NTM: variants seen among roughly 807,000 people sequenced by gnomAD.
NTM encodes neurotrimin.
Under a neutral mutation model 42.1 loss-of-function variants are expected in NTM, and 13 were observed. That is an observed-to-expected ratio of 0.31 (90% confidence interval 0.20 to 0.49). NTM has a LOEUF of 0.49. Ranked by LOEUF, NTM falls within the 20% of genes least tolerant of loss-of-function variation. The pLI is 0.99. For missense variants in NTM, 373 were observed against 452.8 expected (o/e 0.82, Z 1.60); for synonymous variants, 187 against 179.2 (o/e 1.04, Z -0.35).
At chr11:131,777,128 T>TTA (rs2087143270) in intron 1 of NTM, 1 of 856,490 alleles carries the variant, frequency 1.2e-6, no homozygotes, top group Non-Finnish European at 1.4e-6. Context: ...CTCAGTGTAT[T>TTA]TATATATATT....
intron 4 of NTM, among the ~76,000 whole-genome samples, chr11:132,301,137 G>A (rs1324152769): frequency 6.6e-6 from 1 of 152,184 alleles, no homozygotes; most frequent in East Asian, 1.9e-4. Flanking sequence ...GGGCTGGGGA[G>A]GCCTCAGGAA....
At chr11:132,257,020 C>T (rs1209554248) in intron 4 of NTM, among the ~76,000 whole-genome samples, 1 of 152,214 alleles carries the variant, frequency 6.6e-6, no homozygotes, top group African/African-American at 2.4e-5. Context: ...GGCCCTGCCT[C>T]CCCAGGTCTG....
chr11:131,544,405 A>G (rs926164392), intron 1 of NTM, among the ~76,000 whole-genome samples: 5 of 152,042 alleles, frequency 3.3e-5, no homozygotes, highest in African/African-American at 9.7e-5. Flanking sequence ...TCTCCAGCTC[A>G]TATTTCTATT....
intron 1 of NTM, among the ~76,000 whole-genome samples, chr11:131,698,363 C>T (rs1453580008): frequency 6.6e-6 from 1 of 152,136 alleles, no homozygotes; most frequent in Non-Finnish European, 1.5e-5. Flanking sequence ...TTCCCTTGTT[C>T]TCTTGCAATC....
At chr11:132,260,751 G>C (rs115204357) in intron 4 of NTM, among the ~76,000 whole-genome samples, 1 of 152,176 alleles carries the variant, frequency 6.6e-6, no homozygotes, top group African/African-American at 2.4e-5. Flanking sequence ...GAAAGCCTTC[G>C]TCTCCGGGGC....
intron 2 of NTM, among the ~76,000 whole-genome samples, chr11:131,965,946 G>T (rs1205855395): frequency 5.8e-5 from 6 of 103,684 alleles, no homozygotes; most frequent in Non-Finnish European, 9.2e-5. Context: ...AAGGGGGAAG[G>T]AAAGGAGGGA....
intron 1 of NTM, among the ~76,000 whole-genome samples, chr11:131,772,160 G>A (rs1316972337): frequency 2.0e-5 from 3 of 152,142 alleles, no homozygotes; most frequent in Non-Finnish European, 2.9e-5. Context: ...CAGGGAGCTT[G>A]TGATCTGAAG....
chr11:131,847,903 TGAC>T (rs1489605122), intron 1 of NTM, among the ~76,000 whole-genome samples: 1 of 152,184 alleles, frequency 6.6e-6, no homozygotes, highest in African/African-American at 2.4e-5. Context: ...TCCATCCAGT[TGAC>T]GAGATTTAAA....
chr11:131,977,316 C>G (rs538557927), intron 2 of NTM, among the ~76,000 whole-genome samples: 1 of 152,194 alleles, frequency 6.6e-6, no homozygotes, highest in Non-Finnish European at 1.5e-5. Context: ...GTTGTACTGC[C>G]AAATTTCCCA....
intron 3 of NTM, among the ~76,000 whole-genome samples, chr11:132,167,105 T>G (rs1488050158): frequency 6.6e-6 from 1 of 152,246 alleles, no homozygotes; most frequent in East Asian, 1.9e-4. Context: ...TCTTATTCAT[T>G]CATTCAATAA....
chr11:131,408,506 G>A (rs970358269), intron 1 of NTM, among the ~76,000 whole-genome samples: 3 of 152,152 alleles, frequency 2.0e-5, no homozygotes, highest in Non-Finnish European at 2.9e-5. Context: ...TTTTAATCTT[G>A]TGCCTCTCTA....
rs1391522529 is a variant in NTM, at chr11:132,146,363, C to T, written c.249C>T (p.Cys83=). 1 of 1,614,194 alleles carries T rather than the reference C, an allele frequency of 6.2e-7. No homozygotes were observed. The highest frequency in any genetic ancestry group is 8.5e-7 in the Non-Finnish European group (1 of 1,180,038). ...TILYAGNDKW[C]LDPRVVLLSN... The stretch of plus-strand genomic sequence containing the variant: ...TCTATGCTGGGAATGACAAGTGGTG[C>T]CTGGATCCTCGCGTGGTCCTTCTGA... The change falls in exon 3 of 9, where the codon TGC becomes TGT. Residue 83 remains cysteine, a synonymous_variant. Transcript: ENST00000683400. The surrounding 1 kb of genome is among the most constrained non-coding windows in gnomAD (Gnocchi z 4.5).
intron 1 of NTM, among the ~76,000 whole-genome samples, chr11:131,720,488 C>G (rs1035850704): frequency 6.6e-6 from 1 of 152,096 alleles, no homozygotes; most frequent in Non-Finnish European, 1.5e-5. Context: ...ATCCATTTTT[C>G]CATTCAACAG....
intron 1 of NTM, among the ~76,000 whole-genome samples, chr11:131,609,180 G>A (rs1046171015): frequency 1.3e-5 from 2 of 152,188 alleles, no homozygotes; most frequent in African/African-American, 4.8e-5. Flanking sequence ...TCTGTGCTCT[G>A]GATGGGAGAG....
At chr11:132,254,184 G>T (rs2092267235) in intron 4 of NTM, among the ~76,000 whole-genome samples, 1 of 152,086 alleles carries the variant, frequency 6.6e-6, no homozygotes, top group African/African-American at 2.4e-5. Flanking sequence ...GACAGGGCCT[G>T]TGTGTTCTAC....
intron 7 of NTM, among the ~76,000 whole-genome samples, chr11:132,327,433 C>T (rs1310957696): frequency 6.6e-6 from 1 of 152,238 alleles, no homozygotes; most frequent in Non-Finnish European, 1.5e-5. Flanking sequence ...ATTATTAGTT[C>T]TTCCCTGCAG....
At chr11:132,285,944 G>A (rs2094212525) in intron 4 of NTM, among the ~76,000 whole-genome samples, 1 of 152,270 alleles carries the variant, frequency 6.6e-6, no homozygotes, top group East Asian at 1.9e-4. Flanking sequence ...GAAAAATGGA[G>A]TTCAGCTCAG....
chr11:132,096,172 C>T (rs2060959388), intron 2 of NTM, among the ~76,000 whole-genome samples: 1 of 152,088 alleles, frequency 6.6e-6, no homozygotes, highest in Non-Finnish European at 1.5e-5. Context: ...TCTTTTTTCC[C>T]CCCTTGAATG....
intron 2 of NTM, among the ~76,000 whole-genome samples, chr11:132,010,320 G>C (rs76533204): frequency 0.025 from 3,821 of 152,266 alleles, 151 homozygotes; most frequent in African/African-American, 0.085. Context: ...TCCGATGGTG[G>C]AGAAGACAAG....
Sources: allele counts gnomAD v4.1 joint callset (sites outside exome capture counted in the v4.1 genomes callset), GRCh38; gene constraint gnomAD v4.1.1; non-coding constraint Gnocchi (gnomAD v3.1); transcripts MANE v1.5; gene names NCBI Gene and HGNC (gene_info 2026-07-23, HGNC 2026-07-21).